INTS15: variants seen among roughly 807,000 people sequenced by gnomAD.
INTS15 encodes uncharacterized protein C7orf26.
the INTS15 span, among the ~76,000 whole-genome samples, chr7:6,595,008 G>A: frequency 6.6e-6 from 1 of 151,892 alleles, no homozygotes; most frequent in African/African-American, 2.4e-5. Flanking sequence ...GATTATAGGT[G>A]TGCACCACCG....
chr7:6,604,843 G>C, the INTS15 span, among the ~76,000 whole-genome samples: 1 of 152,166 alleles, frequency 6.6e-6, no homozygotes, highest in Non-Finnish European at 1.5e-5. Context: ...TGTCTGGATG[G>C]GTACAAAGCC....
At chr7:6,608,601 C>G in the INTS15 span, 3 of 914,444 alleles carry the variant, frequency 3.3e-6, no homozygotes, top group Admixed American at 5.1e-5. Context: ...TGACCACAAG[C>G]TTATGTGCAG....
the INTS15 span, among the ~76,000 whole-genome samples, chr7:6,598,788 T>TGTGTGTC: frequency 5.1e-5 from 2 of 39,206 alleles, no homozygotes; most frequent in Non-Finnish European, 4.5e-5. Flanking sequence ...TGTGTGTGTA[T>TGTGTGTC]TTTTTTTTTT....
the INTS15 span, among the ~76,000 whole-genome samples, chr7:6,590,652 C>T: frequency 5.8e-4 from 89 of 152,304 alleles, no homozygotes; most frequent in African/African-American, 2.1e-3. Flanking sequence ...CAGTGTTGCT[C>T]AGCTGCCTGT....
the INTS15 span, among the ~76,000 whole-genome samples, chr7:6,597,246 C>A: frequency 6.6e-6 from 1 of 151,764 alleles, no homozygotes; most frequent in Non-Finnish European, 1.5e-5. Flanking sequence ...CTTTCATCTT[C>A]CAATAGGAAA....
chr7:6,594,627 G>T, the INTS15 span: 3 of 1,606,356 alleles, frequency 1.9e-6, no homozygotes, highest in African/African-American at 1.3e-5. Flanking sequence ...TTATTTCTAT[G>T]GAAGAAGCTT....
At chr7:6,604,195 G>T in the INTS15 span, among the ~76,000 whole-genome samples, 141 of 152,208 alleles carry the variant, frequency 9.3e-4, no homozygotes, top group African/African-American at 3.3e-3. Flanking sequence ...TCCCACCTCA[G>T]CCTCCCAAGT....
the INTS15 span, among the ~76,000 whole-genome samples, chr7:6,593,649 G>GT: frequency 5.8e-3 from 764 of 130,700 alleles, 3 homozygotes; most frequent in African/African-American, 0.01. Context: ...GTGTTTTTCT[G>GT]TTTTTTTTTT....
At chr7:6,593,230 A>G in the INTS15 span, among the ~76,000 whole-genome samples, 6 of 152,182 alleles carry the variant, frequency 3.9e-5, no homozygotes, top group Admixed American at 1.3e-4. Flanking sequence ...CTAGTGCAAG[A>G]ACAGCTTTAG....
the INTS15 span, chr7:6,594,317 T>C: frequency 3.0e-6 from 3 of 1,004,658 alleles, no homozygotes; most frequent in Non-Finnish European, 4.5e-6. Flanking sequence ...CATTAACATC[T>C]TTTTTTTGTC....
chr7:6,603,146 C>A, the INTS15 span, among the ~76,000 whole-genome samples: 60,411 of 151,550 alleles, frequency 0.4, 13,127 homozygotes, highest in African/African-American at 0.58. Flanking sequence ...GCTACTCGGG[C>A]GGCTGAGGCA....
chr7:6,604,386 A>G, the INTS15 span, among the ~76,000 whole-genome samples: 3 of 152,186 alleles, frequency 2.0e-5, no homozygotes, highest in Non-Finnish European at 4.4e-5. Flanking sequence ...ATCTGCTACA[A>G]ATAGTAACTG....
chr7:6,600,071 C>T, the INTS15 span: 9 of 1,614,088 alleles, frequency 5.6e-6, no homozygotes, highest in Admixed American at 8.3e-5. Context: ...CACAAAGGAC[C>T]CGGGCGTGGG....
chr7:6,607,765 C>T, the INTS15 span: 2 of 1,485,630 alleles, frequency 1.3e-6, no homozygotes, highest in Admixed American at 2.2e-5. This position sits in a 1 kb window ranked among gnomAD's most constrained non-coding sequence, Gnocchi z 6.0. Flanking sequence ...GCAGAGCCCA[C>T]TCCCACGCAT....
the INTS15 span, among the ~76,000 whole-genome samples, chr7:6,594,755 C>T: frequency 6.6e-6 from 1 of 151,972 alleles, no homozygotes; most frequent in East Asian, 1.9e-4. Flanking sequence ...GAGATGGAGT[C>T]TGTTGCCCAG....
chr7:6,601,511 G>A, the INTS15 span, among the ~76,000 whole-genome samples: 1 of 151,878 alleles, frequency 6.6e-6, no homozygotes, highest in South Asian at 2.1e-4. Flanking sequence ...GGCCAGGATG[G>A]TTTCAAACTC....
the INTS15 span, among the ~76,000 whole-genome samples, chr7:6,598,179 T>C: frequency 6.6e-6 from 1 of 152,088 alleles, no homozygotes; most frequent in African/African-American, 2.4e-5. Flanking sequence ...ATCAAGAGGC[T>C]GCACACGTGG....
chr7:6,590,037 G>C, the INTS15 span: 1 of 224,030 alleles, frequency 4.5e-6, no homozygotes, highest in East Asian at 9.8e-5. Flanking sequence ...CCGCTGTTCG[G>C]CTGCGCGGCG....
chr7:6,594,406 G>C, the INTS15 span: 2 of 1,613,156 alleles, frequency 1.2e-6, no homozygotes, highest in East Asian at 2.2e-5. Context: ...GACATCTGTA[G>C]TTAAGTGGAC....
Sources: allele counts gnomAD v4.1 joint callset (sites outside exome capture counted in the v4.1 genomes callset), GRCh38; gene constraint gnomAD v4.1.1; non-coding constraint Gnocchi (gnomAD v3.1); transcripts MANE v1.5; gene names NCBI Gene and HGNC (gene_info 2026-07-23, HGNC 2026-07-21).